The following NDRG3 variants were observed in gnomAD, a reference collection of about 807,000 sequenced individuals.
The protein encoded by NDRG3 is NDRG family member 3, also known as protein NDRG3.
Under a neutral mutation model 57.2 loss-of-function variants are expected in NDRG3, and 23 were observed. That is an observed-to-expected ratio of 0.40 (90% CI 0.29 to 0.57). The LOEUF is 0.57. NDRG3 is among the 20% of genes least tolerant of loss of function. The pLI, the probability that NDRG3 is intolerant of heterozygous loss-of-function variation, is 0.42. For synonymous variants in NDRG3, 132 were observed against 162.6 expected (o/e 0.81, Z 1.43); for missense variants, 384 against 457.3 (o/e 0.84, Z 1.46).
intron 1 of NDRG3, among the ~76,000 whole-genome samples, chr20:36,731,764 C>T (rs191628794): frequency 1.1e-4 from 17 of 151,328 alleles, no homozygotes; most frequent in East Asian, 1.9e-4. Flanking sequence ...GAGCCGAGAT[C>T]GCACCACTGT....
At chr20:36,737,944 GTCT>G (rs948675822) in intron 1 of NDRG3, among the ~76,000 whole-genome samples, 18 of 148,680 alleles carry the variant, frequency 1.2e-4, no homozygotes, top group African/African-American at 3.7e-4. Flanking sequence ...GTCACCTGTT[GTCT>G]CAGCTACTCA....
At chr20:36,662,515 T>G (rs188505181) in intron 12 of NDRG3, among the ~76,000 whole-genome samples, 35 of 152,350 alleles carry the variant, frequency 2.3e-4, no homozygotes, top group African/African-American at 7.9e-4. Flanking sequence ...CACTGGTTTT[T>G]GACATCTACT....
chr20:36,675,163 G>A (rs1177577542), intron 8 of NDRG3, among the ~76,000 whole-genome samples: 4 of 149,522 alleles, frequency 2.7e-5, no homozygotes, highest in Non-Finnish European at 4.4e-5. Context: ...AGGTTCAAGC[G>A]ATTCTCTTGC....
chr20:36,665,902 G>T (rs1199483108), intron 10 of NDRG3, among the ~76,000 whole-genome samples: 2 of 152,116 alleles, frequency 1.3e-5, no homozygotes, highest in African/African-American at 2.4e-5. Flanking sequence ...AGCCCTAAGT[G>T]TTTAATTTAC....
intron 3 of NDRG3, among the ~76,000 whole-genome samples, chr20:36,690,854 C>T (rs1042914901): frequency 2.0e-5 from 3 of 152,002 alleles, no homozygotes; most frequent in Non-Finnish European, 4.4e-5. Context: ...AAAGATGCAC[C>T]GAGCAAAGCT....
intron 8 of NDRG3, among the ~76,000 whole-genome samples, chr20:36,676,741 G>A (rs1012893408): frequency 1.3e-5 from 2 of 152,260 alleles, no homozygotes; most frequent in Admixed American, 1.3e-4. Flanking sequence ...GGGATAATGG[G>A]CGTAAGCCAC....
At chr20:36,684,550 C>T (rs1010196749) in intron 5 of NDRG3, 75 bp from the exon 6 acceptor site, 26 of 1,343,568 alleles carry the variant, frequency 1.9e-5, no homozygotes, top group Non-Finnish European at 2.6e-5. Context: ...TGGAAAGGTC[C>T]AGAAGTCTTA....
intron 3 of NDRG3, among the ~76,000 whole-genome samples, chr20:36,691,076 G>A (rs189982661): frequency 1.0e-3 from 158 of 152,318 alleles, no homozygotes; most frequent in African/African-American, 3.7e-3. Flanking sequence ...ATCTTACAAA[G>A]TCTTACATTA....
At chr20:36,728,312 A>G (rs2148210859) in intron 1 of NDRG3, among the ~76,000 whole-genome samples, 1 of 152,288 alleles carries the variant, frequency 6.6e-6, no homozygotes. Context: ...TCAGCCTCCC[A>G]AAGTGCTGGG....
chr20:36,664,954 G>A lies in NDRG3; in HGVS notation c.810+92C>T, dbSNP rs915103938. Reference sequence around the variant, plus strand: ...TCCTCCTGCCTCAGCCTCTCAAAGTGTTGGGAATACAGGCGTGAGCCACTG... The same window carrying A: ...TCCTCCTGCCTCAGCCTCTCAAAGTATTGGGAATACAGGCGTGAGCCACTG... On this transcript the variant is annotated intron_variant, in intron 12 of 15. Coordinates refer to ENST00000349004, the MANE Select transcript of NDRG3 (RefSeq NM_032013.4). 24 of 1,292,566 alleles carry A rather than the reference G, an allele frequency of 1.9e-5. No homozygotes were observed. The East Asian group carries it at 5.5e-4, about 30-fold the overall frequency. The allele number at this position is 1,292,566 out of a possible 1,614,324, so 80.1% of individuals were successfully genotyped here. A position where few individuals can be genotyped will look rare whatever the true frequency, so the allele number is the denominator to read the frequency against.
chr20:36,710,068 C>T (rs2148175174), intron 2 of NDRG3, among the ~76,000 whole-genome samples: 1 of 152,212 alleles, frequency 6.6e-6, no homozygotes, highest in Non-Finnish European at 1.5e-5. Flanking sequence ...GCCTATAATC[C>T]TATCACTTTG....
At chr20:36,716,235 G>A (rs1454498585) in intron 2 of NDRG3, among the ~76,000 whole-genome samples, 1 of 150,794 alleles carries the variant, frequency 6.6e-6, no homozygotes, top group Non-Finnish European at 1.5e-5. Flanking sequence ...ACTGCAGTAA[G>A]ATTTACCTCA....
intron 1 of NDRG3, among the ~76,000 whole-genome samples, chr20:36,730,331 T>C (rs1049895617): frequency 6.6e-6 from 1 of 151,756 alleles, no homozygotes; most frequent in African/African-American, 2.4e-5. Flanking sequence ...CTTAGCTCAC[T>C]GTAACCTTGA....
chr20:36,656,555 G>A (rs1978692601), intron 13 of NDRG3, 23 bp from the exon 14 acceptor site: 2 of 1,613,780 alleles, frequency 1.2e-6, no homozygotes, highest in Non-Finnish European at 1.7e-6. Context: ...AAATATGCAA[G>A]TCAGCTGGGA....
chr20:36,663,502 A>C (rs964263706), intron 12 of NDRG3, among the ~76,000 whole-genome samples: 7 of 152,246 alleles, frequency 4.6e-5, no homozygotes, highest in Admixed American at 1.3e-4. Context: ...AAGAACTATC[A>C]ACTTCATTTG....
intron 8 of NDRG3, 116 bp downstream of exon 8, chr20:36,680,700 C>G (rs898273692): frequency 1.5e-6 from 1 of 666,246 alleles, no homozygotes; most frequent in African/African-American, 1.8e-5. Flanking sequence ...AAACATTCTT[C>G]AAGCTATATA....
At position 36,709,296 on chromosome 20, in the gene NDRG3, T is replaced by G. The variant is rs891796401; in HGVS notation, c.58-2289A>C. 2.0e-5 allele frequency among the ~76,000 whole-genome samples: 3 copies of G among 152,176 alleles called. No individual in the cohort carries two copies. In the South Asian group the frequency reaches 6.2e-4, roughly 32 times the overall value. ...AGAACATTTCCATGACTGCAGCAAG[T>G]TCTACTGGACAGCACTGATCTGGAA... On this transcript the variant is annotated intron_variant, in intron 2 of 15. Transcript: ENST00000349004.
intron 2 of NDRG3, among the ~76,000 whole-genome samples, chr20:36,716,959 T>C (rs1480328260): frequency 2.0e-5 from 3 of 152,192 alleles, no homozygotes; most frequent in Non-Finnish European, 1.5e-5. Flanking sequence ...CCTCTCAGTG[T>C]CATCTGTAAA....
rs79094789 is a variant in NDRG3 at position 36,737,017 on chromosome 20, C to T, written c.-49+9028G>A. 4.6e-5 allele frequency among the ~76,000 whole-genome samples: 7 copies of T among 152,314 alleles called. No homozygotes were observed. The East Asian group carries it at 1.3e-3, about 29-fold the overall frequency. On this transcript the variant is annotated intron_variant, in intron 1 of 15. Transcript: ENST00000349004. ...GCAGCAACCCCTGCAATAGGCCCAC[C>T]TTCCTGTTGTGTCACTCCTGGGTTC...
Sources: allele counts gnomAD v4.1 joint callset (sites outside exome capture counted in the v4.1 genomes callset), GRCh38; gene constraint gnomAD v4.1.1; transcripts MANE v1.5; gene names NCBI Gene and HGNC (gene_info 2026-07-23, HGNC 2026-07-21).